The following GRID1 variants were observed in gnomAD, a reference collection of about 807,000 sequenced individuals.
GRID1 encodes glutamate ionotropic receptor delta type subunit 1.
Under a neutral mutation model 98.0 loss-of-function variants are expected in GRID1, and 28 were observed. That is an observed-to-expected ratio of 0.29 (90% confidence interval 0.21 to 0.39). The LOEUF (loss-of-function observed/expected upper bound fraction) is 0.39. Ranked by LOEUF, GRID1 falls within the 10% of genes least tolerant of loss-of-function variation. GRID1 has a pLI of 1.00. For missense variants in GRID1, 1,111 were observed against 1,340.5 expected, an observed-to-expected ratio of 0.83 and a Z score of 2.67; for synonymous variants, 553 against 538.5, an observed-to-expected ratio of 1.03 and a Z score of -0.37.
At chr10:86,178,257 T>C (rs1050356011) in intron 3 of GRID1, among the ~76,000 whole-genome samples, 4 of 149,476 alleles carry the variant, frequency 2.7e-5, no homozygotes, top group African/African-American at 1.0e-4. Flanking sequence ...GACCAAATTA[T>C]TGAGCATTTT....
intron 2 of GRID1, among the ~76,000 whole-genome samples, chr10:86,321,718 C>A (rs1187849801): frequency 6.6e-6 from 1 of 152,152 alleles, no homozygotes; most frequent in East Asian, 1.9e-4. Flanking sequence ...GCAAAAGCAA[C>A]TGCCCGCAGG....
chr10:85,699,575 G>A (rs952352521), intron 12 of GRID1, among the ~76,000 whole-genome samples: 7 of 151,836 alleles, frequency 4.6e-5, no homozygotes, highest in African/African-American at 1.2e-4. Context: ...CCAAACCCAC[G>A]GTCATCTAAA....
At chr10:86,281,921 C>A (rs1271794249) in intron 2 of GRID1, among the ~76,000 whole-genome samples, 1 of 152,172 alleles carries the variant, frequency 6.6e-6, no homozygotes, top group African/African-American at 2.4e-5. Flanking sequence ...AGGGAGGGGG[C>A]CTCCTGCCTT....
intron 4 of GRID1, among the ~76,000 whole-genome samples, chr10:86,091,183 G>C (rs182527440): frequency 3.3e-5 from 5 of 152,310 alleles, no homozygotes; most frequent in African/African-American, 9.6e-5. Context: ...GACTTCACAG[G>C]CTGGGCAAGA....
At chr10:85,610,885 G>C (rs982726780) in intron 15 of GRID1, among the ~76,000 whole-genome samples, 1 of 152,196 alleles carries the variant, frequency 6.6e-6, no homozygotes, top group African/African-American at 2.4e-5. Context: ...ACCAGAAGGG[G>C]TTGGAGGACA....
intron 3 of GRID1, among the ~76,000 whole-genome samples, chr10:86,174,660 G>T (rs1325891838): frequency 6.6e-6 from 1 of 151,590 alleles, no homozygotes; most frequent in African/African-American, 2.4e-5. Context: ...TTAAACTAAA[G>T]AGCTTCTGCA....
intron 2 of GRID1, among the ~76,000 whole-genome samples, chr10:86,312,566 A>AT (rs1847845272): frequency 6.6e-6 from 1 of 152,226 alleles, no homozygotes; most frequent in African/African-American, 2.4e-5. Flanking sequence ...GTGAAATAGG[A>AT]AGCAGTGGGT....
chr10:86,083,086 T>C (rs1183721023), intron 4 of GRID1, among the ~76,000 whole-genome samples: 1 of 152,216 alleles, frequency 6.6e-6, no homozygotes, highest in Non-Finnish European at 1.5e-5. Flanking sequence ...GTAAAGTCTG[T>C]GAAATGACTG....
chr10:86,014,348 C>T (rs1842955455), intron 4 of GRID1, among the ~76,000 whole-genome samples: 1 of 152,234 alleles, frequency 6.6e-6, no homozygotes, highest in South Asian at 2.1e-4. Flanking sequence ...GGAAACCATA[C>T]TAAATGGAAA....
At chr10:86,018,205 G>T (rs780116627) in intron 4 of GRID1, among the ~76,000 whole-genome samples, 1 of 152,212 alleles carries the variant, frequency 6.6e-6, no homozygotes, top group Non-Finnish European at 1.5e-5. Flanking sequence ...GCCTTCTGAT[G>T]AGCTCCTTCA....
At chr10:85,940,938 G>T (rs1841989961) in intron 4 of GRID1, among the ~76,000 whole-genome samples, 4 of 152,194 alleles carry the variant, frequency 2.6e-5, no homozygotes, top group African/African-American at 9.6e-5. Context: ...TCCTCAGAAG[G>T]GTTGCTATAA....
At chr10:85,760,428 A>G (rs1308281137) in intron 8 of GRID1, among the ~76,000 whole-genome samples, 2 of 152,176 alleles carry the variant, frequency 1.3e-5, no homozygotes, top group Non-Finnish European at 2.9e-5. Context: ...AGATAAGATA[A>G]TGTGTCTGTC....
chr10:86,240,915 G>A (rs919133719), intron 2 of GRID1, among the ~76,000 whole-genome samples: 2 of 152,242 alleles, frequency 1.3e-5, no homozygotes, highest in Admixed American at 1.3e-4. Context: ...AATGTGGAAA[G>A]GCGTGGAAGG....
intron 2 of GRID1, among the ~76,000 whole-genome samples, chr10:86,224,128 C>T (rs1846303342): frequency 6.6e-6 from 1 of 152,224 alleles, no homozygotes. Context: ...CCCCTCCAAC[C>T]TCTTGAACTC....
At chr10:86,035,960 T>C (rs1407093334) in intron 4 of GRID1, among the ~76,000 whole-genome samples, 1 of 152,168 alleles carries the variant, frequency 6.6e-6, no homozygotes, top group Admixed American at 6.5e-5. Flanking sequence ...GAGAGCCCCC[T>C]GCAGCCCACC....
At chr10:85,697,133 T>C (rs941406721) in intron 12 of GRID1, among the ~76,000 whole-genome samples, 27 of 152,184 alleles carry the variant, frequency 1.8e-4, no homozygotes, top group Non-Finnish European at 4.0e-4. Context: ...ATGTCAATTA[T>C]GTCAAGTTAG....
At position 85,684,995 on chromosome 10, in the gene GRID1, G is replaced by A. The variant is rs55874918; in HGVS notation, c.1998-37598C>T. Among the ~76,000 whole-genome samples, 349 of 152,300 alleles carry A rather than the reference G, an allele frequency of 2.3e-3. 1 individual carries two copies. The highest frequency in any genetic ancestry group is 7.2e-3 in the Admixed American group (110 of 15,296). On this transcript the variant is annotated intron_variant, in intron 12 of 15. Transcript: ENST00000327946. Reference sequence around the variant, plus strand: ...CTGTCTCCAGATATTTACCACACTAGGGGTTAGGGCTTCATCAGATGAGTT... The same window carrying A: ...CTGTCTCCAGATATTTACCACACTAAGGGTTAGGGCTTCATCAGATGAGTT...
intron 5 of GRID1, among the ~76,000 whole-genome samples, chr10:85,902,162 C>T (rs1338325218): frequency 1.3e-5 from 2 of 152,128 alleles, no homozygotes; most frequent in Non-Finnish European, 2.9e-5. Context: ...TTTCAAGATC[C>T]CCAGTGGATG....
At chr10:85,887,420 G>A (rs1841132697) in intron 5 of GRID1, among the ~76,000 whole-genome samples, 1 of 152,196 alleles carries the variant, frequency 6.6e-6, no homozygotes, top group African/African-American at 2.4e-5. Context: ...ACAGGCCACA[G>A]CAACTTGCCA....
Sources: allele counts gnomAD v4.1 joint callset (sites outside exome capture counted in the v4.1 genomes callset), GRCh38; gene constraint gnomAD v4.1.1; transcripts MANE v1.5; gene names NCBI Gene and HGNC (gene_info 2026-07-23, HGNC 2026-07-21).